PXK: variants seen among roughly 807,000 people sequenced by gnomAD.
PXK encodes PX domain containing serine/threonine kinase like.
In PXK, 35 loss-of-function variants were observed where a neutral mutation model predicts 84.7. The observed-to-expected ratio is 0.41, with a 90% CI of 0.32 to 0.55. PXK has a LOEUF of 0.55. Among genes scored for constraint, PXK ranks in the 20% least tolerant of loss-of-function variants. The pLI is 0.21. For missense variants in PXK, 634 were observed against 699.7 expected (o/e 0.91, Z 1.06); for synonymous variants, 253 against 260.8 (o/e 0.97, Z 0.29).
At position 58,385,581 on chromosome 3, in the gene PXK, C is replaced by T. The variant is rs1037716292; in HGVS notation, c.388+2881C>T. On this transcript the variant is annotated intron_variant, in intron 4 of 17. Transcript: ENST00000356151. The surrounding 1 kb of genome is among the most constrained non-coding windows in gnomAD (Gnocchi z 5.1). Reference sequence around the variant, plus strand: ...TGGCACTATCCCAGCTCTGTGCAGCCGTGACCTTCTGGGTTCAAGTGATCC... The same window carrying T: ...TGGCACTATCCCAGCTCTGTGCAGCTGTGACCTTCTGGGTTCAAGTGATCC... Among the ~76,000 whole-genome samples, 8 of 152,206 alleles carry T rather than the reference C, an allele frequency of 5.3e-5. No individual in the cohort carries two copies. Among genetic ancestry groups the T allele is most frequent in the African/African-American group, 1.9e-4 (8 of 41,452 alleles).
At position 58,381,440 on chromosome 3, in the gene PXK, G is replaced by A. The variant is rs76083045; in HGVS notation, c.202-1074G>A. 8.3e-3 allele frequency among the ~76,000 whole-genome samples: 1,263 copies of A among 151,578 alleles called. 20 individuals carry two copies. The highest frequency in any genetic ancestry group is 0.029 in the African/African-American group (1,209 of 41,292). ...AGTGTAGGGACCGCCAGTCCTGCTT[G>A]GAGTAGGTTGTTGGACTCTGGAAGG... On this transcript the variant is annotated intron_variant, in intron 3 of 17. Coordinates refer to ENST00000356151, the MANE Select transcript of PXK (RefSeq NM_017771.5).
At chr3:58,403,668 G>A (rs1338188183) in intron 12 of PXK, among the ~76,000 whole-genome samples, 194 bp from the exon 13 acceptor site, 1 of 152,166 alleles carries the variant, frequency 6.6e-6, no homozygotes, top group Non-Finnish European at 1.5e-5. Context: ...AGTGGGAAGG[G>A]GGTCACACTG....
intron 1 of PXK, among the ~76,000 whole-genome samples, chr3:58,348,599 A>G (rs2097862065): frequency 6.6e-6 from 1 of 152,212 alleles, no homozygotes; most frequent in South Asian, 2.1e-4. Context: ...TTATAATTTC[A>G]ACATGGAATC....
In PXK at chr3:58,409,710, G is replaced by T; in HGVS notation, c.1395+92G>T. 1 of 1,013,422 alleles carries T rather than the reference G, an allele frequency of 9.9e-7. No individual in the cohort carries two copies. Among genetic ancestry groups the T allele is most frequent in the Non-Finnish European group, 1.5e-6 (1 of 689,090 alleles). 62.8% of individuals were successfully genotyped at this position (1,013,422 alleles called of 1,614,324 possible). The stretch of plus-strand genomic sequence containing the variant: ...TAATGGTGCCCATTTAATGACAGAT[G>T]CTGTGCTATATCTCCTTGAAAGCTA... On this transcript the variant is annotated intron_variant, in intron 15 of 17. Transcript: ENST00000356151. This position sits in a 1 kb window ranked among gnomAD's most constrained non-coding sequence, Gnocchi z 4.2.
chr3:58,402,596 G>A (rs1576605783), intron 12 of PXK, among the ~76,000 whole-genome samples: 2 of 150,864 alleles, frequency 1.3e-5, no homozygotes, highest in South Asian at 4.2e-4. Context: ...TGCCCGGCTA[G>A]TTTTTGTATT....
Position 58,397,798 on chromosome 3 carries a change from G to A in PXK, c.1102+76G>A, listed in dbSNP as rs1394170720. On this transcript the variant is annotated intron_variant, in intron 11 of 17. Coordinates refer to ENST00000356151, the MANE Select transcript of PXK (RefSeq NM_017771.5). The surrounding 1 kb of genome is among the most constrained non-coding windows in gnomAD (Gnocchi z 4.7). ...CACTCATCCCCTTTCCAGAGTCCAG[G>A]AAAGACCCAGAGGAAGTTGCTGTCC... The A allele has an allele frequency of 4.1e-6, 5 of 1,213,712 alleles. No individual in the cohort carries two copies. The highest frequency in any genetic ancestry group is 3.6e-6 in the Non-Finnish European group (3 of 844,070). The allele number at this position is 1,213,712 out of a possible 1,614,324, so 75.2% of individuals were successfully genotyped here.
At chr3:58,342,063 A>AT (rs1183457601) in intron 1 of PXK, among the ~76,000 whole-genome samples, 35 of 147,312 alleles carry the variant, frequency 2.4e-4, no homozygotes, top group African/African-American at 8.9e-4. Context: ...ATAACTCAGA[A>AT]TGTTTTTTTT....
intron 1 of PXK, among the ~76,000 whole-genome samples, chr3:58,339,955 C>T (rs1230610236): frequency 6.7e-6 from 1 of 148,632 alleles, no homozygotes; most frequent in Non-Finnish European, 1.5e-5. Flanking sequence ...GCTGGGATTA[C>T]AGGCGACTGC....
chr3:58,422,751 CCT>C, intron 17 of PXK: 3 of 985,404 alleles, frequency 3.0e-6, no homozygotes, highest in Non-Finnish European at 3.6e-6. Context: ...TCAGCCCAGC[CCT>C]GAGGCCCGTC....
At chr3:58,396,973 A>G in intron 9 of PXK, 66 bp from the exon 10 acceptor site, 1 of 1,498,722 alleles carries the variant, frequency 6.7e-7, no homozygotes, top group Non-Finnish European at 9.0e-7. Context: ...CTAAAAAACA[A>G]AGTTTAACTT....
In PXK at chr3:58,395,037, G is replaced by A; in HGVS notation, c.655G>A (p.Glu219Lys). 1 of 1,613,734 alleles carries A rather than the reference G, an allele frequency of 6.2e-7. No individual in the cohort carries two copies. The highest frequency in any genetic ancestry group is 8.5e-7 in the Non-Finnish European group (1 of 1,179,660). Residue 219 changes from glutamate (E) to lysine (K), a missense_variant, in exon 8 of 18, where the codon GAA (glutamate) becomes AAA (lysine). Physicochemically the swap from Glu to Lys is moderately conservative, Grantham distance 56. This residue lies in a region of PXK where 353 missense variants were observed against 385.2 expected (regional missense o/e 0.92). Coordinates refer to ENST00000356151, the MANE Select transcript of PXK (RefSeq NM_017771.5). ...TCGGGTTACCTTTGCCACAGCTAATGAATCCTCAGCGTTGCTAATTAGGAT... is the reference window on the plus strand; with the variant it reads ...TCGGGTTACCTTTGCCACAGCTAATAAATCCTCAGCGTTGCTAATTAGGAT... The part of the protein sequence containing the change: ...IYRVTFATAN[E>K]SSALLIRMFN...
At chr3:58,361,816 A>G (rs779611385) in intron 1 of PXK, among the ~76,000 whole-genome samples, 7 of 152,234 alleles carry the variant, frequency 4.6e-5, no homozygotes, top group Non-Finnish European at 8.8e-5. Flanking sequence ...TTGTGTATAA[A>G]TTCTTATGTG....
chr3:58,339,390 C>T (rs376218568), intron 1 of PXK, among the ~76,000 whole-genome samples: 1 of 151,748 alleles, frequency 6.6e-6, no homozygotes, highest in East Asian at 1.9e-4. Flanking sequence ...GTACCATGCT[C>T]GGCTAATTTT....
At position 58,391,757 on chromosome 3, in the gene PXK, C is replaced by T. The variant is rs2098633947; in HGVS notation, c.541-16C>T. 6.2e-7 allele frequency: 1 copy of T among 1,606,074 alleles called. No individual in the cohort carries two copies. The highest frequency in any genetic ancestry group is 1.1e-5 in the South Asian group (1 of 90,878). ...TGACCAAAACAGTACCCTGATATTC[C>T]CTTCCATGTTTTCAGGCTGACCTTG... On this transcript the variant is annotated splice_polypyrimidine_tract_variant and intron_variant, in intron 6 of 17. Transcript: ENST00000356151.
Position 58,397,593 on chromosome 3 carries a change from T to C in PXK, c.985-12T>C. The stretch of plus-strand genomic sequence containing the variant: ...GTGAAGGGTGAACACGCTGCTACTC[T>C]TTCTTCCACAGACATTGGAAAGTGT... On this transcript the variant is annotated splice_polypyrimidine_tract_variant and intron_variant, in intron 10 of 17. Transcript: ENST00000356151. This position sits in a 1 kb window ranked among gnomAD's most constrained non-coding sequence, Gnocchi z 4.7. 1 of 1,604,470 alleles carries C rather than the reference T, an allele frequency of 6.2e-7. No homozygotes were observed. Among genetic ancestry groups the C allele is most frequent in the East Asian group, 2.2e-5 (1 of 44,818 alleles).
chr3:58,402,832 G>T (rs1376742593), intron 12 of PXK, among the ~76,000 whole-genome samples: 2 of 149,166 alleles, frequency 1.3e-5, no homozygotes, highest in African/African-American at 5.0e-5. Context: ...TTTTAGGTGT[G>T]GGGGTACATG....
intron 1 of PXK, among the ~76,000 whole-genome samples, chr3:58,348,981 T>TA (rs2097870174): frequency 6.6e-6 from 1 of 152,106 alleles, no homozygotes; most frequent in African/African-American, 2.4e-5. Flanking sequence ...GTGTGTATTT[T>TA]ACAATTACAG....
chr3:58,393,900 A>T (rs563880036), intron 7 of PXK, among the ~76,000 whole-genome samples: 2 of 152,322 alleles, frequency 1.3e-5, no homozygotes, highest in African/African-American at 4.8e-5. Flanking sequence ...AATTTATATT[A>T]GTATGTACTC....
chr3:58,407,827 G>T lies in PXK; in HGVS notation c.1231-1097G>T, dbSNP rs577269988. On this transcript the variant is annotated intron_variant, in intron 13 of 17. Coordinates refer to ENST00000356151, the MANE Select transcript of PXK (RefSeq NM_017771.5). The surrounding 1 kb of genome is among the most constrained non-coding windows in gnomAD (Gnocchi z 4.3). The stretch of plus-strand genomic sequence containing the variant: ...CCACCTCAGCCTCCCAAAGTATTGG[G>T]ATTACAGGCGTGAGCCACCTTGCCC... Among the ~76,000 whole-genome samples the T allele has an allele frequency of 6.6e-6, 1 of 152,348 alleles. No individual in the cohort carries two copies. Among genetic ancestry groups the T allele is most frequent in the East Asian group, 1.9e-4 (1 of 5,184 alleles).
Sources: allele counts gnomAD v4.1 joint callset (sites outside exome capture counted in the v4.1 genomes callset), GRCh38; gene constraint gnomAD v4.1.1; regional missense constraint gnomAD v4.1.1; non-coding constraint Gnocchi (gnomAD v3.1); transcripts MANE v1.5; gene names NCBI Gene and HGNC (gene_info 2026-07-23, HGNC 2026-07-21).